The following CERKL variants were observed in gnomAD, a reference collection of about 807,000 sequenced individuals.
The protein encoded by CERKL is ceramide kinase-like protein.
In CERKL, 61 loss-of-function variants were observed where a neutral mutation model predicts 63.4. The ratio of observed to expected loss-of-function variants is 0.96; its 90% CI spans 0.78 to 1.19. CERKL has a LOEUF of 1.19. Ranked by LOEUF, CERKL falls within the 50% of genes most tolerant of loss-of-function variation. The pLI, the probability that CERKL is intolerant of heterozygous loss-of-function variation, is 0.00. For synonymous variants in CERKL, 250 were observed against 230.5 expected (o/e 1.08, Z -0.77); for missense variants, 675 against 655.5 (o/e 1.03, Z -0.33).
intron 1 of CERKL, among the ~76,000 whole-genome samples, chr2:181,656,389 T>C (rs1471117413): frequency 2.0e-5 from 3 of 152,194 alleles, no homozygotes; most frequent in Non-Finnish European, 4.4e-5. Context: ...ATTAAAACTT[T>C]TTCAACTTGG....
chr2:181,656,764 C>G lies in CERKL; in HGVS notation c.238+5G>C. 1 of 1,588,042 alleles carries G rather than the reference C, an allele frequency of 6.3e-7. No homozygotes were observed. Among genetic ancestry groups the G allele is most frequent in the Admixed American group, 1.7e-5 (1 of 58,706 alleles). On this transcript the variant is annotated splice_donor_5th_base_variant and intron_variant, in intron 1 of 12. Coordinates refer to ENST00000410087, the MANE Select transcript of CERKL (RefSeq NM_201548.5). ...AGGCGAAGACGCTTGGGGCCGGGCA[C>G]TCACCCGCCGGGCGCTCGGGCTGAA...
intron 3 of CERKL, among the ~76,000 whole-genome samples, chr2:181,566,772 C>T (rs759720145): frequency 6.6e-5 from 10 of 152,238 alleles, no homozygotes; most frequent in South Asian, 4.1e-4. Context: ...TATGCAGTAT[C>T]GTAAATGCCA....
At chr2:181,605,157 C>T (rs551279622) in intron 1 of CERKL, among the ~76,000 whole-genome samples, 5 of 152,300 alleles carry the variant, frequency 3.3e-5, no homozygotes, top group East Asian at 1.9e-4. Context: ...GTGGACCCTA[C>T]GACCGCCCCA....
chr2:181,544,595 A>C, intron 11 of CERKL, 105 bp downstream of exon 11: 1 of 686,240 alleles, frequency 1.5e-6, no homozygotes. Flanking sequence ...ATTCAGAAGA[A>C]AATAAAACCT....
At chr2:181,597,456 T>C (rs1033543246) in intron 2 of CERKL, among the ~76,000 whole-genome samples, 1 of 152,174 alleles carries the variant, frequency 6.6e-6, no homozygotes, top group Admixed American at 6.5e-5. Flanking sequence ...ATGGACAAGT[T>C]TCTAATGGAA....
intron 2 of CERKL, among the ~76,000 whole-genome samples, chr2:181,586,812 C>A (rs568734944): frequency 1.1e-3 from 175 of 152,302 alleles, no homozygotes; most frequent in African/African-American, 3.3e-3. Context: ...GGCAGGGACG[C>A]CACTCCCAGA....
intron 1 of CERKL, among the ~76,000 whole-genome samples, chr2:181,625,201 T>A (rs138323546): frequency 3.7e-4 from 56 of 152,244 alleles, no homozygotes; most frequent in African/African-American, 1.3e-3. Flanking sequence ...GAGCATAGTG[T>A]GACTACTTGT....
intron 1 of CERKL, among the ~76,000 whole-genome samples, chr2:181,613,393 C>G (rs1451113995): frequency 6.6e-6 from 1 of 152,128 alleles, no homozygotes; most frequent in Non-Finnish European, 1.5e-5. Flanking sequence ...CAAGGAGATG[C>G]GAGGTTAGAC....
chr2:181,548,327 G>A, intron 8 of CERKL: 2 of 569,618 alleles, frequency 3.5e-6, no homozygotes, highest in Non-Finnish European at 3.1e-6. Context: ...GGGAGGGAGA[G>A]ACAGGGGGAA....
intron 1 of CERKL, among the ~76,000 whole-genome samples, chr2:181,606,293 G>A (rs1685680650): frequency 1.1e-5 from 1 of 95,170 alleles, no homozygotes; most frequent in East Asian, 3.2e-4. Context: ...CAGGGAGGGA[G>A]GGGGAGGGGG....
chr2:181,614,627 C>T lies in CERKL; in HGVS notation c.239-10548G>A, dbSNP rs534063133. On this transcript the variant is annotated intron_variant, in intron 1 of 12. Transcript: ENST00000410087. Reference sequence around the variant, plus strand: ...ATCTACAAGATAACTACTCTGATTCCCATGCTAGCCACTTCTGTTATAGTA... The same window carrying T: ...ATCTACAAGATAACTACTCTGATTCTCATGCTAGCCACTTCTGTTATAGTA... 3.3e-5 allele frequency among the ~76,000 whole-genome samples: 5 copies of T among 152,090 alleles called. No homozygotes were observed. In the South Asian group the frequency reaches 1.0e-3, roughly 32 times the overall value.
intron 6 of CERKL, among the ~76,000 whole-genome samples, chr2:181,549,241 G>A (rs1202309766): frequency 6.6e-6 from 1 of 152,140 alleles, no homozygotes; most frequent in Non-Finnish European, 1.5e-5. Flanking sequence ...TCTACTGGCT[G>A]AAATTTTTTT....
chr2:181,565,926 T>A, intron 4 of CERKL, 132 bp downstream of exon 4: 2 of 651,186 alleles, frequency 3.1e-6, no homozygotes, highest in East Asian at 2.8e-5. Flanking sequence ...TACATAGATA[T>A]GAACAAGATA....
intron 1 of CERKL, among the ~76,000 whole-genome samples, chr2:181,648,725 A>G (rs1418549361): frequency 1.3e-5 from 2 of 152,234 alleles, no homozygotes; most frequent in Non-Finnish European, 2.9e-5. Context: ...AAAAACAACA[A>G]CAGCTACAAT....
chr2:181,591,164 G>A (rs528452276), intron 2 of CERKL, among the ~76,000 whole-genome samples: 161 of 152,112 alleles, frequency 1.1e-3, no homozygotes, highest in African/African-American at 3.7e-3. Context: ...CATACTGAAC[G>A]TTACTTTCTG....
chr2:181,637,895 A>G (rs955761916), intron 1 of CERKL, among the ~76,000 whole-genome samples: 2 of 152,110 alleles, frequency 1.3e-5, no homozygotes, highest in Admixed American at 1.3e-4. Flanking sequence ...CCTCCCTAGT[A>G]GTGTACACTC....
intron 2 of CERKL, among the ~76,000 whole-genome samples, chr2:181,583,763 G>C (rs529898254): frequency 2.4e-4 from 37 of 152,268 alleles, no homozygotes; most frequent in African/African-American, 8.2e-4. Flanking sequence ...CAATGTCAGA[G>C]AGAATAAAAC....
chr2:181,606,710 A>G (rs2105898955), intron 1 of CERKL, among the ~76,000 whole-genome samples: 1 of 152,236 alleles, frequency 6.6e-6, no homozygotes, highest in South Asian at 2.1e-4. Flanking sequence ...GTCCATTTCT[A>G]CAGTCACCCA....
At chr2:181,602,731 A>G (rs1463397665) in intron 2 of CERKL, among the ~76,000 whole-genome samples, 1 of 152,166 alleles carries the variant, frequency 6.6e-6, no homozygotes, top group African/African-American at 2.4e-5. Flanking sequence ...AATTTCTAAC[A>G]TGCCTCTGTG....
Sources: gnomAD v4.1 joint callset for allele counts (sites outside exome capture counted in the v4.1 genomes callset) on GRCh38, gnomAD v4.1.1 for gene constraint, MANE v1.5 for transcripts, NCBI Gene and HGNC (gene_info 2026-07-23, HGNC 2026-07-21) for gene names.